Variants in NAV3 observed in about 807,000 individuals in gnomAD.
The protein encoded by NAV3 is pore membrane and/or filament interacting like protein 1.
NAV3 carries 87 observed loss-of-function variants against 244.7 expected under a neutral mutation model. The ratio of observed to expected loss-of-function variants is 0.36; its 90% CI spans 0.30 to 0.42. NAV3 has a LOEUF of 0.42. Among genes scored for constraint, NAV3 ranks in the 20% least tolerant of loss-of-function variants. The probability of loss-of-function intolerance (pLI) is 1.00; values close to 1 mark genes in which losing one functional copy is unlikely to be tolerated. For missense variants in NAV3, 2,663 were observed against 2,893.3 expected (o/e 0.92, Z 1.83); for synonymous variants, 1,126 against 1,042.2 (o/e 1.08, Z -1.55).
intron 1 of NAV3, among the ~76,000 whole-genome samples, chr12:77,921,143 G>C (rs1047660727): frequency 4.6e-5 from 7 of 151,856 alleles, no homozygotes; most frequent in African/African-American, 1.7e-4. Context: ...TTAAAGCTAG[G>C]GTAACTATTT....
intron 1 of NAV3, among the ~76,000 whole-genome samples, chr12:77,939,690 T>A (rs1889679817): frequency 6.6e-6 from 1 of 152,212 alleles, no homozygotes; most frequent in African/African-American, 2.4e-5. Flanking sequence ...TTTTGTGCCT[T>A]ATAATCCACT....
intron 5 of NAV3, among the ~76,000 whole-genome samples, chr12:77,985,557 A>T (rs1024396615): frequency 3.3e-5 from 5 of 149,810 alleles, no homozygotes; most frequent in African/African-American, 1.2e-4. Flanking sequence ...CAGGGTTTCT[A>T]TTTCTTTCTC....
At position 77,955,146 on chromosome 12, in the gene NAV3, C is replaced by G. The variant is rs191604886; in HGVS notation, c.415-11083C>G. Among the ~76,000 whole-genome samples, 40 of 152,234 alleles carry G rather than the reference C, an allele frequency of 2.6e-4. No individual in the cohort carries two copies. In the East Asian group the frequency reaches 4.3e-3, roughly 16 times the overall value. ...TTCAAACTGATTTGAAGGCTACTAA[C>G]CTTTTGAGCAGTTTCACAGTGATAA... On this transcript the variant is annotated intron_variant, in intron 3 of 39. Coordinates refer to ENST00000397909, the MANE Select transcript of NAV3 (RefSeq NM_001024383.2).
intron 34 of NAV3, among the ~76,000 whole-genome samples, chr12:78,194,464 GT>G (rs1417543647): frequency 2.0e-5 from 3 of 151,830 alleles, no homozygotes; most frequent in African/African-American, 7.3e-5. Flanking sequence ...ATTTTTCAAT[GT>G]TTTCTTATAG....
chr12:78,083,597 C>A (rs956363076), intron 12 of NAV3, among the ~76,000 whole-genome samples: 1 of 152,106 alleles, frequency 6.6e-6, no homozygotes, highest in African/African-American at 2.4e-5. Flanking sequence ...ACACCTTATC[C>A]TTTAATGATC....
intron 2 of NAV3, among the ~76,000 whole-genome samples, chr12:77,585,041 G>A (rs1345666419): frequency 6.6e-6 from 1 of 152,200 alleles, no homozygotes; most frequent in African/African-American, 2.4e-5. Context: ...TCCAAGACAA[G>A]ATAAACCCCG....
chr12:77,850,506 T>G (rs551503456), intron 1 of NAV3, among the ~76,000 whole-genome samples: 163 of 152,354 alleles, frequency 1.1e-3, no homozygotes, highest in Non-Finnish European at 1.9e-3. Flanking sequence ...CTTCTTGCTT[T>G]CTTTCAAATC....
chr12:78,082,619 A>C (rs1953417440), intron 12 of NAV3, among the ~76,000 whole-genome samples: 1 of 152,194 alleles, frequency 6.6e-6, no homozygotes, highest in South Asian at 2.1e-4. Context: ...AACATACTTA[A>C]TTGAAAAGGT....
chr12:77,807,608 A>ATT (rs1377583759), intron 2 of NAV3, among the ~76,000 whole-genome samples: 1 of 151,766 alleles, frequency 6.6e-6, no homozygotes, highest in South Asian at 2.1e-4. Context: ...TGCCCATAAT[A>ATT]TTTTTTTCCT....
intron 5 of NAV3, among the ~76,000 whole-genome samples, chr12:77,989,709 T>C (rs905819402): frequency 6.6e-6 from 1 of 152,176 alleles, no homozygotes; most frequent in Non-Finnish European, 1.5e-5. Context: ...TTATTCTCTA[T>C]ACTGGAAAAT....
rs1421676949 is a variant in NAV3 at position 78,210,284 on chromosome 12, C to T, written c.7039-114C>T. 2.7e-6 allele frequency: 4 copies of T among 1,472,152 alleles called. No homozygotes were observed. In the East Asian group the frequency reaches 9.2e-5, roughly 34 times the overall value. The allele number at this position is 1,472,152 out of a possible 1,614,324, so 91.2% of individuals were successfully genotyped here. ...AGTAAAAATCTAAAATTATTTTCCC[C>T]TGTTACTTGGATGGGATAAGATAGC... On this transcript the variant is annotated intron_variant, in intron 39 of 39. Coordinates refer to ENST00000397909, the MANE Select transcript of NAV3 (RefSeq NM_001024383.2).
At chr12:78,100,248 A>G (rs1176389129) in intron 12 of NAV3, among the ~76,000 whole-genome samples, 1 of 151,926 alleles carries the variant, frequency 6.6e-6, no homozygotes, top group Non-Finnish European at 1.5e-5. Context: ...GTCTTAGGCT[A>G]TGATATAGTA....
intron 9 of NAV3, among the ~76,000 whole-genome samples, chr12:78,048,466 T>G (rs750129231): frequency 6.6e-6 from 1 of 152,214 alleles, no homozygotes; most frequent in Non-Finnish European, 1.5e-5. Context: ...CTTTTAACAG[T>G]CAGGCCCCTC....
chr12:77,863,334 GC>G (rs1259558303), intron 1 of NAV3, among the ~76,000 whole-genome samples: 1 of 151,802 alleles, frequency 6.6e-6, no homozygotes, highest in East Asian at 1.9e-4. Context: ...AGTCCCTTCA[GC>G]AGATGTTAGG....
Position 77,765,736 on chromosome 12 carries a change from G to A in NAV3, c.73-174583G>A, listed in dbSNP as rs540175765. Among the ~76,000 whole-genome samples, 3 of 152,086 alleles carry A rather than the reference G, an allele frequency of 2.0e-5. No homozygotes were observed. The South Asian group carries it at 6.2e-4, about 32-fold the overall frequency. On this transcript the variant is annotated intron_variant, in intron 2 of 8. Transcript: ENST00000550042. ...AAAAGTTGAAGAAAAGGAAATGAAA[G>A]ATCACTCAAGTTAGGCATGCAGACT...
At chr12:77,669,020 C>T (rs1192598712) in intron 2 of NAV3, among the ~76,000 whole-genome samples, 1 of 152,156 alleles carries the variant, frequency 6.6e-6, no homozygotes, top group African/African-American at 2.4e-5. Flanking sequence ...AAACAATTAT[C>T]AGCCAAGAAT....
chr12:77,832,772 C>T (rs1486405916), intron 1 of NAV3, among the ~76,000 whole-genome samples: 1 of 152,064 alleles, frequency 6.6e-6, no homozygotes, highest in East Asian at 1.9e-4. Context: ...CCACACTCCC[C>T]CTACCCCTCG....
intron 2 of NAV3, among the ~76,000 whole-genome samples, chr12:77,757,807 C>T (rs1306768731): frequency 6.6e-6 from 1 of 152,216 alleles, no homozygotes; most frequent in Non-Finnish European, 1.5e-5. Flanking sequence ...TAACCTCAGA[C>T]ATTAAATTGC....
At chr12:78,175,467 T>G (rs752069478) in intron 25 of NAV3, 40 bp downstream of exon 25, 1 of 1,596,228 alleles carries the variant, frequency 6.3e-7, no homozygotes, top group East Asian at 2.3e-5. Flanking sequence ...AGCTTATTAA[T>G]GCATAATGTG....
Sources: allele counts gnomAD v4.1 joint callset (sites outside exome capture counted in the v4.1 genomes callset), GRCh38; gene constraint gnomAD v4.1.1; transcripts MANE v1.5; gene names NCBI Gene and HGNC (gene_info 2026-07-23, HGNC 2026-07-21).